AGBL1: variants seen among roughly 807,000 people sequenced by gnomAD.
AGBL1 encodes the protein AGBL carboxypeptidase 1.
In AGBL1, 130 loss-of-function variants were observed where a neutral mutation model predicts 118.9. That is an observed-to-expected ratio of 1.09 (90% CI 0.95 to 1.26). AGBL1 has a LOEUF of 1.26. Ranked by LOEUF, AGBL1 falls within the 50% of genes most tolerant of loss-of-function variation. AGBL1 has a pLI of 0.00. For synonymous variants in AGBL1, 555 were observed against 478.9 expected, an observed-to-expected ratio of 1.16 and a Z score of -2.08; for missense variants, 1,584 against 1,298.1, an observed-to-expected ratio of 1.22 and a Z score of -3.38.
In AGBL1 at chr15:86,913,985, C is replaced by T. The variant is rs2080386307; in HGVS notation, c.*6691C>T. 1 of 152,162 alleles carries T rather than the reference C, an allele frequency of 6.6e-6. No individual in the cohort carries two copies. Among genetic ancestry groups the T allele is most frequent in the African/African-American group, 2.4e-5 (1 of 41,454 alleles). The allele number at this position is 152,162 out of a possible 1,614,324, so 9.4% of individuals were successfully genotyped here. Reference sequence around the variant, plus strand: ...TGGGGTTAAAATGATTTCTTGGTATCAGACAAGTATTATGACCAGCTCCTG... The same window carrying T: ...TGGGGTTAAAATGATTTCTTGGTATTAGACAAGTATTATGACCAGCTCCTG... On this transcript the variant is annotated 3_prime_UTR_variant, in exon 23 of 23. Coordinates refer to ENST00000614907, the MANE Select transcript of AGBL1 (RefSeq NM_001386094.1).
intron 24 of AGBL1, among the ~76,000 whole-genome samples, chr15:87,004,397 G>A (rs1418626588): frequency 6.6e-6 from 1 of 152,098 alleles, no homozygotes; most frequent in Non-Finnish European, 1.5e-5. Context: ...ATATATTTAG[G>A]ATAGTTAGCT....
At position 86,958,063 on chromosome 15, in the gene AGBL1, G is replaced by A. The variant is rs1335288790; in HGVS notation, c.3222-29924G>A. On this transcript the variant is annotated intron_variant, in intron 23 of 24. Transcript: ENST00000441037. ...TAAAAATAAAAATAAAAAATTAGCC[G>A]ATTGTGTGTCATACAACTGTAGTCC... Among the ~76,000 whole-genome samples, 8 of 151,890 alleles carry A rather than the reference G, an allele frequency of 5.3e-5. No individual in the cohort carries two copies. In the South Asian group the frequency reaches 8.3e-4, roughly 16 times the overall value.
intron 21 of AGBL1, among the ~76,000 whole-genome samples, chr15:86,627,348 G>C (rs891422597): frequency 6.6e-6 from 1 of 152,182 alleles, no homozygotes; most frequent in Non-Finnish European, 1.5e-5. Context: ...GGGCATGGAT[G>C]CTGGAACAGG....
chr15:86,595,392 AAGTTC>A (rs1054635924), intron 21 of AGBL1, among the ~76,000 whole-genome samples: 3 of 152,136 alleles, frequency 2.0e-5, no homozygotes, highest in Admixed American at 2.0e-4. Flanking sequence ...AACCTTTTAA[AAGTTC>A]AGTTGCTGTC....
At chr15:86,530,275 C>A (rs12904525) in intron 19 of AGBL1, among the ~76,000 whole-genome samples, 43,160 of 82,038 alleles carry the variant, frequency 0.53, 12,886 homozygotes, top group African/African-American at 0.84. Context: ...TCTACCAAGC[C>A]AATGGAAAAC....
intron 6 of AGBL1, among the ~76,000 whole-genome samples, chr15:86,238,892 A>G (rs532404005): frequency 1.5e-4 from 23 of 152,198 alleles, no homozygotes; most frequent in African/African-American, 5.3e-4. Context: ...TGGCTCAAGC[A>G]ATGCTTCTGC....
chr15:86,649,675 A>T (rs998487011), intron 21 of AGBL1, among the ~76,000 whole-genome samples: 1 of 149,792 alleles, frequency 6.7e-6, no homozygotes, highest in East Asian at 1.9e-4. Context: ...ATTTCCTTCT[A>T]TCTTTTTAAT....
intron 22 of AGBL1, among the ~76,000 whole-genome samples, chr15:86,722,644 A>G (rs1237268718): frequency 2.0e-5 from 3 of 152,268 alleles, no homozygotes; most frequent in Non-Finnish European, 2.9e-5. Flanking sequence ...AACAAAAGCC[A>G]AAATTGACAA....
chr15:86,698,412 G>A (rs1470810), intron 22 of AGBL1, among the ~76,000 whole-genome samples: 68,820 of 151,142 alleles, frequency 0.46, 16,199 homozygotes, highest in East Asian at 0.75. Flanking sequence ...CTTTGCCTCA[G>A]TACGAATAAG....
chr15:86,218,760 T>C (rs926081827), intron 5 of AGBL1, among the ~76,000 whole-genome samples: 7 of 152,206 alleles, frequency 4.6e-5, no homozygotes, highest in Non-Finnish European at 8.8e-5. Flanking sequence ...TCTTACTGTC[T>C]GTTGATACAG....
intron 16 of AGBL1, among the ~76,000 whole-genome samples, chr15:86,291,042 AGTATTCCATG>A (rs1277161140): frequency 6.6e-6 from 1 of 152,198 alleles, no homozygotes; most frequent in Non-Finnish European, 1.5e-5. Context: ...ATGGCTGCAT[AGTATTCCATG>A]GTGTATATGT....
At chr15:86,712,545 A>G (rs765636379) in intron 22 of AGBL1, among the ~76,000 whole-genome samples, 5 of 152,300 alleles carry the variant, frequency 3.3e-5, no homozygotes, top group Non-Finnish European at 5.9e-5. Context: ...TACAACTTAA[A>G]TGGTGCTTAA....
Position 86,910,310 on chromosome 15 carries a change from C to G in AGBL1, c.*3016C>G, listed in dbSNP as rs1382691383. 1 of 152,126 alleles carries G rather than the reference C, an allele frequency of 6.6e-6. No individual in the cohort carries two copies. Among genetic ancestry groups the G allele is most frequent in the East Asian group, 1.9e-4 (1 of 5,188 alleles). The allele number at this position is 152,126 out of a possible 1,614,324, so 9.4% of individuals were successfully genotyped here. ...GCTTGAAATAAAATGTTCAGTGTGA[C>G]TGGTTTAAAAGATGTGTTTGTATGT... On this transcript the variant is annotated 3_prime_UTR_variant, in exon 23 of 23. Transcript: ENST00000614907.
intron 5 of AGBL1, among the ~76,000 whole-genome samples, chr15:86,169,053 A>G (rs1287917379): frequency 6.6e-6 from 1 of 152,228 alleles, no homozygotes; most frequent in African/African-American, 2.4e-5. Context: ...ATAAGCCCTT[A>G]AATTCCCCCA....
At chr15:86,153,774 CTTAG>C (rs1221843373) in intron 3 of AGBL1, among the ~76,000 whole-genome samples, 2 of 152,238 alleles carry the variant, frequency 1.3e-5, no homozygotes, top group African/African-American at 4.8e-5. Flanking sequence ...ATACCTAAAA[CTTAG>C]TTCTAACCAA....
intron 24 of AGBL1, among the ~76,000 whole-genome samples, chr15:86,999,813 C>G (rs1400236607): frequency 7.3e-6 from 1 of 137,382 alleles, no homozygotes; most frequent in Non-Finnish European, 1.6e-5. Flanking sequence ...CTGACTTCCA[C>G]AATGGTTGAA....
chr15:86,883,109 G>T (rs1281695799), intron 22 of AGBL1, among the ~76,000 whole-genome samples: 2 of 152,080 alleles, frequency 1.3e-5, no homozygotes, highest in South Asian at 2.1e-4. Context: ...CTCATTAATA[G>T]ATGTCAAATA....
chr15:86,949,650 A>G (rs1459066543), intron 23 of AGBL1, among the ~76,000 whole-genome samples: 1 of 152,134 alleles, frequency 6.6e-6, no homozygotes, highest in Non-Finnish European at 1.5e-5. Flanking sequence ...AAAACTGCTA[A>G]TGTTTTATGT....
chr15:87,026,434 A>C (rs1345519027), intron 24 of AGBL1, among the ~76,000 whole-genome samples: 3 of 152,090 alleles, frequency 2.0e-5, no homozygotes, highest in Non-Finnish European at 4.4e-5. Context: ...ACAAATCAAA[A>C]CCACAATACA....
Sources: gnomAD v4.1 joint callset for allele counts (sites outside exome capture counted in the v4.1 genomes callset) on GRCh38, gnomAD v4.1.1 for gene constraint, MANE v1.5 for transcripts, NCBI Gene and HGNC (gene_info 2026-07-23, HGNC 2026-07-21) for gene names.